The following IDNK variants were observed in gnomAD, a reference collection of about 807,000 sequenced individuals.
IDNK encodes the protein IDNK gluconokinase, also known as gluconokinase.
In IDNK, 9 loss-of-function variants were observed where a neutral mutation model predicts 13.0. The ratio of observed to expected loss-of-function variants is 0.69; its 90% CI spans 0.42 to 1.21. The LOEUF is 1.21. Ranked by LOEUF, IDNK falls within the 50% of genes most tolerant of loss-of-function variation. The pLI is 0.00. For missense variants in IDNK, 210 were observed against 237.8 expected, an observed-to-expected ratio of 0.88 and a Z score of 0.77; for synonymous variants, 92 against 94.9, an observed-to-expected ratio of 0.97 and a Z score of 0.18.
intron 3 of IDNK, among the ~76,000 whole-genome samples, chr9:83,630,982 C>CAGAGGTA: frequency 6.6e-6 from 1 of 152,154 alleles, no homozygotes; most frequent in South Asian, 2.1e-4. Flanking sequence ...GGAGGTAGAA[C>CAGAGGTA]GACAGATGGT....
intron 1 of IDNK, chr9:83,626,963 T>C: frequency 2.2e-6 from 1 of 455,374 alleles, no homozygotes; most frequent in Non-Finnish European, 2.9e-6. Context: ...AGGACCTTTG[T>C]TAGGCAACAG....
rs1228341313 is a variant in IDNK, at chr9:83,628,899, T to A, written c.108T>A (p.Asp36Glu). 1.2e-6 allele frequency: 2 copies of A among 1,614,108 alleles called. No individual in the cohort carries two copies. The highest frequency in any genetic ancestry group is 4.5e-5 in the East Asian group (2 of 44,872). The change falls in exon 3 of 5, where the codon GAT becomes GAA. Residue 36 changes from aspartate to glutamate, a missense_variant. By Grantham distance (45) the Asp-to-Glu change is conservative. Coordinates refer to ENST00000376419, the MANE Select transcript of IDNK (RefSeq NM_001001551.4). ...TGGGATGGAAATTCTATGATGCTGA[T>A]GATTATCACCCGGAGGAAAATCGAA... ...SELGWKFYDA[D>E]DYHPEENRRK...
chr9:83,630,400 T>C (rs1025619446), intron 3 of IDNK, among the ~76,000 whole-genome samples: 10 of 152,152 alleles, frequency 6.6e-5, no homozygotes, highest in African/African-American at 1.9e-4. Context: ...ATAATAAACA[T>C]AGGCAACCTG....
chr9:83,637,654 C>G (rs1831199827), intron 3 of IDNK, among the ~76,000 whole-genome samples: 1 of 152,168 alleles, frequency 6.6e-6, no homozygotes, highest in South Asian at 2.1e-4. Flanking sequence ...TGAACTAAAC[C>G]AGAATAACCC....
intron 4 of IDNK, among the ~76,000 whole-genome samples, chr9:83,642,787 G>C (rs1184745623): frequency 6.6e-6 from 1 of 152,136 alleles, no homozygotes; most frequent in Non-Finnish European, 1.5e-5. Context: ...TCCCCTTATT[G>C]CTGCTGTGTC....
rs1293156018 is a variant in IDNK at position 83,643,411 on chromosome 9, T to C, written c.213-18T>C. The C allele has an allele frequency of 6.4e-7, 1 of 1,562,516 alleles. No homozygotes were observed. The highest frequency in any genetic ancestry group is 1.4e-5 in the African/African-American group (1 of 72,412). On this transcript the variant is annotated intron_variant, in intron 4 of 4. Coordinates refer to ENST00000376419, the MANE Select transcript of IDNK (RefSeq NM_001001551.4). ...TCCTTCTTTAGCCTCCCTCTTTTTT[T>C]TTTCTTTTTCTAAACAGAGATGTAG...
chr9:83,631,392 A>G (rs1418482867), intron 3 of IDNK, among the ~76,000 whole-genome samples: 2 of 144,010 alleles, frequency 1.4e-5, no homozygotes, highest in Non-Finnish European at 3.0e-5. Context: ...GAGAGGCTGA[A>G]GACCAGGAGC....
chr9:83,633,828 G>A (rs1241981781), intron 3 of IDNK, among the ~76,000 whole-genome samples: 1 of 152,152 alleles, frequency 6.6e-6, no homozygotes, highest in Non-Finnish European at 1.5e-5. Context: ...TGTGTTAAAG[G>A]CCCTGATCAT....
At chr9:83,624,982 A>AG (rs1830810233) in intron 1 of IDNK, among the ~76,000 whole-genome samples, 1 of 151,910 alleles carries the variant, frequency 6.6e-6, no homozygotes, top group Admixed American at 6.5e-5. Flanking sequence ...CCCAAAGTGC[A>AG]GGGATTACAG....
chr9:83,634,652 TAC>T (rs1162518221), intron 3 of IDNK, among the ~76,000 whole-genome samples: 1 of 152,216 alleles, frequency 6.6e-6, no homozygotes, highest in African/African-American at 2.4e-5. Context: ...CATAAAATAA[TAC>T]AGAGATTGAT....
At chr9:83,631,194 C>T (rs1831001652) in intron 3 of IDNK, among the ~76,000 whole-genome samples, 3 of 151,970 alleles carry the variant, frequency 2.0e-5, no homozygotes, top group South Asian at 2.1e-4. Flanking sequence ...AAAGCGTGTC[C>T]GTGTCCAAGT....
intron 1 of IDNK, chr9:83,626,859 C>T: frequency 9.2e-7 from 1 of 1,092,394 alleles, no homozygotes; most frequent in Non-Finnish European, 1.1e-6. Context: ...AAAGGTTTCA[C>T]TGCTCTCGCA....
chr9:83,632,844 C>G (rs1047724437), intron 3 of IDNK, among the ~76,000 whole-genome samples: 4 of 152,152 alleles, frequency 2.6e-5, no homozygotes, highest in African/African-American at 9.7e-5. Context: ...TGAATTTGCT[C>G]TAATATCTCC....
At chr9:83,643,362 T>G in intron 4 of IDNK, 67 bp from the exon 5 acceptor site, 1 of 1,282,816 alleles carries the variant, frequency 7.8e-7, no homozygotes, top group Non-Finnish European at 1.1e-6. Flanking sequence ...CAACTAGAAT[T>G]GACAGAGGTT....
At chr9:83,636,918 T>C (rs1831179589) in intron 3 of IDNK, among the ~76,000 whole-genome samples, 1 of 152,230 alleles carries the variant, frequency 6.6e-6, no homozygotes, top group Non-Finnish European at 1.5e-5. Flanking sequence ...GGTCTGCAAA[T>C]ATGGAGCTGG....
At chr9:83,634,289 A>T (rs1350298113) in intron 3 of IDNK, among the ~76,000 whole-genome samples, 2 of 152,176 alleles carry the variant, frequency 1.3e-5, no homozygotes, top group Non-Finnish European at 2.9e-5. Flanking sequence ...TCTGCCATAA[A>T]TTCCGATAAG....
Position 83,623,182 on chromosome 9 carries a change from CG to C in IDNK, c.14del (p.Gly5AlafsTer5). On this transcript the variant is annotated frameshift_variant, in exon 1 of 5. Transcript: ENST00000376419. LOFTEE classifies it high-confidence loss of function. Reference protein sequence around the residue: MAAPGALLVMGVSG... With the variant: MAAXGALLVMGVSG... ...AGCCGAGCTTGGGTTATGGCGGCGC[CG>C]GGCGCGCTGCTGGTGATGGGCGTGA... The C allele has an allele frequency of 7.1e-7, 1 of 1,413,502 alleles. No individual in the cohort carries two copies. Among genetic ancestry groups the C allele is most frequent in the Non-Finnish European group, 9.2e-7 (1 of 1,089,392 alleles). 87.6% of individuals were successfully genotyped at this position (1,413,502 alleles called of 1,614,324 possible). A position where few individuals can be genotyped will look rare whatever the true frequency, so the allele number is the denominator to read the frequency against.
rs1830748259 is a variant in IDNK at position 83,623,215 on chromosome 9, CGGGGAA to C, written c.46_50+1del. On this transcript the variant is annotated inframe_deletion and splice_region_variant, in exon 1 of 5. Coordinates refer to ENST00000376419, the MANE Select transcript of IDNK (RefSeq NM_001001551.4). ...CTGCTGGTGATGGGCGTGAGCGGCTCGGGGAAGTAGGTCCGGGAGAGGGCGGGGGGC... is the reference window on the plus strand; with the variant it reads ...CTGCTGGTGATGGGCGTGAGCGGCTCGTAGGTCCGGGAGAGGGCGGGGGGC... The C allele has an allele frequency of 2.6e-5, 37 of 1,403,910 alleles. No individual in the cohort carries two copies. The highest frequency in any genetic ancestry group is 3.0e-5 in the Non-Finnish European group (33 of 1,083,526). 87.0% of individuals were successfully genotyped at this position (1,403,910 alleles called of 1,614,324 possible). A position where few individuals can be genotyped will look rare whatever the true frequency, so the allele number is the denominator to read the frequency against.
chr9:83,626,986 A>AT (rs1186996298), intron 1 of IDNK: 5 of 288,600 alleles, frequency 1.7e-5, no homozygotes, highest in Non-Finnish European at 2.6e-5. Flanking sequence ...TCCAGCTAGA[A>AT]TTTAATCACA....
Sources: gnomAD v4.1 joint callset for allele counts (sites outside exome capture counted in the v4.1 genomes callset) on GRCh38, gnomAD v4.1.1 for gene constraint, MANE v1.5 for transcripts, NCBI Gene and HGNC (gene_info 2026-07-23, HGNC 2026-07-21) for gene names.